The following TUBGCP6 variants were observed in gnomAD, a reference collection of about 807,000 sequenced individuals.
TUBGCP6 encodes the protein gamma-tubulin complex component 6.
In TUBGCP6, 161 loss-of-function variants were observed where a neutral mutation model predicts 175.8. That is an observed-to-expected ratio of 0.92 (90% CI 0.81 to 1.04). The LOEUF (loss-of-function observed/expected upper bound fraction) is 1.04. Among genes scored for constraint, TUBGCP6 ranks in the 50% least tolerant of loss-of-function variants. The pLI, the probability that TUBGCP6 is intolerant of heterozygous loss-of-function variation, is 0.00. For missense variants in TUBGCP6, 2,572 were observed against 2,433.0 expected (o/e 1.06, Z -1.20); for synonymous variants, 1,173 against 1,030.5 (o/e 1.14, Z -2.65).
rs772748452 is a variant in TUBGCP6, at chr22:50,221,444, G to C, written c.2915C>G (p.Ala972Gly). Reference protein sequence around the residue: ...ATSPAPGPLQAAECSLGSSGL... With the variant: ...ATSPAPGPLQGAECSLGSSGL... ...TGAGCTGCCCAAGCTGCACTCTGCAGCCTGCAGGGGCCCTGGTGCAGGTGA... is the reference window on the plus strand; with the variant it reads ...TGAGCTGCCCAAGCTGCACTCTGCACCCTGCAGGGGCCCTGGTGCAGGTGA... The change falls in exon 16 of 25, where the codon GCT (alanine) becomes GGT (glycine). Residue 972 changes from alanine to glycine, a missense_variant. Physicochemically the swap from Ala to Gly is moderately conservative, Grantham distance 60 (BLOSUM62 0). Coordinates refer to ENST00000248846, the MANE Select transcript of TUBGCP6 (RefSeq NM_020461.4). 6.3e-7 allele frequency: 1 copy of C among 1,596,162 alleles called. No individual in the cohort carries two copies. The highest frequency in any genetic ancestry group is 1.1e-5 in the South Asian group (1 of 89,504).
At chr22:50,237,320 C>T (rs2064789235) in intron 2 of TUBGCP6, among the ~76,000 whole-genome samples, 1 of 152,244 alleles carries the variant, frequency 6.6e-6, no homozygotes, top group Non-Finnish European at 1.5e-5. Flanking sequence ...GTTTCTTTAG[C>T]CACCTGCTGG....
chr22:50,223,440 T>TGATGACAGCACAGGACAGGC (rs1569113956), intron 13 of TUBGCP6: 2 of 152,674 alleles, frequency 1.3e-5, no homozygotes, highest in East Asian at 3.9e-4. Flanking sequence ...ACAGGACAGG[T>TGATGACAGCACAGGACAGGC]TGATAACAGC....
Position 50,226,128 on chromosome 22 carries a change from G to C in TUBGCP6, c.1755C>G (p.Pro585=). 1 of 1,614,158 alleles carries C rather than the reference G, an allele frequency of 6.2e-7. No individual in the cohort carries two copies. The highest frequency in any genetic ancestry group is 2.2e-5 in the East Asian group (1 of 44,866). Residue 585 remains proline (P), a synonymous_variant, in exon 9 of 25, where the codon CCC becomes CCG. Transcript: ENST00000248846. ...CGTGGGCAATGTGCTTCAGAAACAC[G>C]GGAACACAGTCCTCCACCTCTTTGG... is the stretch of plus-strand genomic sequence containing the variant. The part of the protein sequence containing the change: ...LISKEVEDCV[P]VFLKHIAHDI...
chr22:50,230,009 C>A (rs2064668268), intron 3 of TUBGCP6, among the ~76,000 whole-genome samples: 1 of 152,054 alleles, frequency 6.6e-6, no homozygotes, highest in African/African-American at 2.4e-5. Flanking sequence ...TGGAGACCCC[C>A]AATAGAGGGC....
intron 2 of TUBGCP6, among the ~76,000 whole-genome samples, chr22:50,239,263 A>G (rs1399531332): frequency 6.6e-6 from 1 of 151,932 alleles, no homozygotes. Flanking sequence ...TGCAAACTCC[A>G]CCTCCCAGGT....
At position 50,226,815 on chromosome 22, in the gene TUBGCP6, G is replaced by A. The variant is rs1260456579; in HGVS notation, c.1519C>T (p.Gln507Ter). The A allele has an allele frequency of 9.5e-6, 15 of 1,586,900 alleles. No individual in the cohort carries two copies. Among genetic ancestry groups the A allele is most frequent in the Admixed American group, 1.8e-5 (1 of 54,374 alleles). ...TGVKLLSYLYQEALHNCSNEH... is the reference protein window; with the variant it reads ...TGVKLLSYLY ...TTGCTGCAGTTGTGCAGAGCCTCCT[G>A]GTAGAGGTAGGACAGCAGCTTCACG... The change falls in exon 7 of 25, where the codon CAG becomes TAG. Residue 507 changes from glutamine to a stop codon, truncating the protein, a stop_gained. Coordinates refer to ENST00000248846, the MANE Select transcript of TUBGCP6 (RefSeq NM_020461.4). LOFTEE classifies it high-confidence loss of function.
chr22:50,226,437 CTGT>C, intron 7 of TUBGCP6, 59 bp from the exon 8 acceptor site: 1 of 1,493,936 alleles, frequency 6.7e-7, no homozygotes, highest in East Asian at 2.5e-5. Flanking sequence ...TGGGGCGTGG[CTGT>C]CAGTGAGGGG....
chr22:50,244,993 C>G lies in TUBGCP6; in HGVS notation c.-534G>C, dbSNP rs986978903. 3 of 226,910 alleles carry G rather than the reference C, an allele frequency of 1.3e-5. No homozygotes were observed. Among genetic ancestry groups the G allele is most frequent in the Non-Finnish European group, 1.8e-5 (2 of 114,080 alleles). 14.1% of individuals were successfully genotyped at this position (226,910 alleles called of 1,614,324 possible). On this transcript the variant is annotated 5_prime_UTR_variant, in exon 1 of 25. Transcript: ENST00000248846. ...AAGTGCCCACGGCTGCCGCTCTCGCCGCCTCCGTCGCGTCACAGCCGCGCC... is the reference window on the plus strand; with the variant it reads ...AAGTGCCCACGGCTGCCGCTCTCGCGGCCTCCGTCGCGTCACAGCCGCGCC...
Position 50,218,765 on chromosome 22 carries a change from G to C in TUBGCP6, c.4759C>G (p.Leu1587Val). The change falls in exon 21 of 25, where the codon CTG becomes GTG. Residue 1587 changes from leucine to valine, a missense_variant. Leu to Val is a conservative substitution (Grantham distance 32). Coordinates refer to ENST00000248846, the MANE Select transcript of TUBGCP6 (RefSeq NM_020461.4). ...ASNLSLALKY[L>V]PEVFAPNAPD... The stretch of plus-strand genomic sequence containing the variant: ...GCGTTGGGGGCAAACACCTCGGGCA[G>C]GTACTTGAGAGCGAGGGAGAGGTTG... 1 of 1,614,138 alleles carries C rather than the reference G, an allele frequency of 6.2e-7. No individual in the cohort carries two copies. Among genetic ancestry groups the C allele is most frequent in the Non-Finnish European group, 8.5e-7 (1 of 1,180,004 alleles).
At position 50,227,988 on chromosome 22, in the gene TUBGCP6, C is replaced by G; in HGVS notation, c.1331G>C (p.Arg444Pro). 1 of 1,570,126 alleles carries G rather than the reference C, an allele frequency of 6.4e-7. No individual in the cohort carries two copies. The highest frequency in any genetic ancestry group is 8.6e-7 in the Non-Finnish European group (1 of 1,157,668). ...GGGCGGAGTGGAAAGGACGCAGGCC[C>G]GGTAATACTGCAGGTACCTCCTCAG... ...SGLRRYLQYY[R>P]ACVLSTPPTL... The change falls in exon 5 of 25, where the codon CGG (arginine) becomes CCG (proline). Residue 444 changes from arginine (R) to proline (P), a missense_variant. Arg to Pro is a moderately radical substitution (Grantham distance 103). Coordinates refer to ENST00000248846, the MANE Select transcript of TUBGCP6 (RefSeq NM_020461.4).
intron 1 of TUBGCP6, among the ~76,000 whole-genome samples, chr22:50,242,075 G>A (rs577388390): frequency 3.3e-5 from 5 of 150,352 alleles, no homozygotes; most frequent in Non-Finnish European, 5.9e-5. Context: ...GGCAGATCAC[G>A]AGGTGAGGAG....
In TUBGCP6 at chr22:50,222,109, T is replaced by C; in HGVS notation, c.2410-7A>G. ...ACACTGCTTTCAGCATCTCCTGAAATTCAAGCCAGAGGGGTGACTGGCCAA... is the reference window on the plus strand; with the variant it reads ...ACACTGCTTTCAGCATCTCCTGAAACTCAAGCCAGAGGGGTGACTGGCCAA... On this transcript the variant is annotated splice_region_variant and splice_polypyrimidine_tract_variant and intron_variant, in intron 14 of 24. Transcript: ENST00000248846. The C allele has an allele frequency of 6.2e-7, 1 of 1,613,340 alleles. No homozygotes were observed. The highest frequency in any genetic ancestry group is 8.5e-7 in the Non-Finnish European group (1 of 1,179,922).
At chr22:50,220,071 C>T (rs1160769359) in intron 16 of TUBGCP6, 56 bp from the exon 17 acceptor site, 38 of 1,580,040 alleles carry the variant, frequency 2.4e-5, no homozygotes, top group Admixed American at 7.1e-5. Flanking sequence ...GTGGCGGGTA[C>T]AGAGCCGAGC....
chr22:50,223,180 G>A (rs58803308), intron 13 of TUBGCP6: 1,567 of 154,274 alleles, frequency 0.01, 23 homozygotes, highest in African/African-American at 0.036. Context: ...GGACAGTATC[G>A]ACTGACATAC....
intron 2 of TUBGCP6, among the ~76,000 whole-genome samples, chr22:50,234,847 CCT>C (rs1039207851): frequency 7.4e-5 from 11 of 149,374 alleles, no homozygotes; most frequent in Non-Finnish European, 1.5e-4. Context: ...CACCCACACC[CCT>C]GTCCCTGGCA....
At position 50,244,382 on chromosome 22, in the gene TUBGCP6, G is replaced by T. The variant is rs1249281586; in HGVS notation, c.78C>A (p.Arg26=). The T allele has an allele frequency of 6.2e-7, 1 of 1,613,350 alleles. No homozygotes were observed. Among genetic ancestry groups the T allele is most frequent in the Admixed American group, 1.7e-5 (1 of 60,036 alleles). The stretch of plus-strand genomic sequence containing the variant: ...GCTTTGCCCTCTTCCGGTTCACACT[G>T]CGCTGGCCCAGGTGAGTCTTGGCAG... ...LPAAKTHLGQ[R]SVNRKRAKRS... is the part of the protein sequence containing the mutation. The change falls in exon 1 of 25, where the codon CGC becomes CGA. Residue 26 remains arginine (R), a synonymous_variant. Transcript: ENST00000248846.
Position 50,221,234 on chromosome 22 carries a change from T to C in TUBGCP6, c.3125A>G (p.Glu1042Gly), listed in dbSNP as rs1048569462. The change falls in exon 16 of 25, where the codon GAA becomes GGA. Residue 1042 changes from glutamate to glycine, a missense_variant. Glu to Gly is a moderately conservative substitution (Grantham distance 98). Transcript: ENST00000248846. ...CCACCGTGGCCGGGTGGGAGCTATTTCAGAAGCGTAGTCCCCTGTGGGAAG... is the reference window on the plus strand; with the variant it reads ...CCACCGTGGCCGGGTGGGAGCTATTCCAGAAGCGTAGTCCCCTGTGGGAAG... ...GGLPTGDYAS[E>G]IAPTRPRWNT... is the part of the protein sequence containing the mutation. The C allele has an allele frequency of 6.2e-7, 1 of 1,614,186 alleles. No homozygotes were observed.
At chr22:50,231,246 G>C (rs1173363512) in intron 3 of TUBGCP6, among the ~76,000 whole-genome samples, 2 of 130,296 alleles carry the variant, frequency 1.5e-5, no homozygotes, top group African/African-American at 5.3e-5. Flanking sequence ...TTGAGGTCAG[G>C]AGTTTGAGAC....
rs1460482736 is a variant in TUBGCP6 at position 50,243,718 on chromosome 22, C to A, written c.741+1G>T. On this transcript the variant is annotated splice_donor_variant, in intron 1 of 24. Transcript: ENST00000248846. LOFTEE classifies it high-confidence loss of function. Reference sequence around the variant, plus strand: ...GAAAGAGGAAAAACTAAACATTCTACCTTAATAGCCAGCCCAGAGAGGTCC... The same window carrying A: ...GAAAGAGGAAAAACTAAACATTCTAACTTAATAGCCAGCCCAGAGAGGTCC... The A allele has an allele frequency of 6.2e-7, 1 of 1,606,084 alleles. No individual in the cohort carries two copies.
Sources: allele counts gnomAD v4.1 joint callset (sites outside exome capture counted in the v4.1 genomes callset), GRCh38; gene constraint gnomAD v4.1.1; transcripts MANE v1.5; gene names NCBI Gene and HGNC (gene_info 2026-07-23, HGNC 2026-07-21).